Variants in ARHGAP20 observed in about 807,000 individuals in gnomAD.
ARHGAP20 encodes rho GTPase-activating protein 20.
Under a neutral mutation model 73.7 loss-of-function variants are expected in ARHGAP20, and 34 were observed. The ratio of observed to expected loss-of-function variants is 0.46; its 90% confidence interval spans 0.35 to 0.61. ARHGAP20 has a LOEUF of 0.61. ARHGAP20 is among the 20% of genes least tolerant of loss of function. The pLI is 0.00. For synonymous variants in ARHGAP20, 523 were observed against 518.2 expected, an observed-to-expected ratio of 1.01 and a Z score of -0.13; for missense variants, 1,314 against 1,420.9, an observed-to-expected ratio of 0.92 and a Z score of 1.21.
intron 2 of ARHGAP20, among the ~76,000 whole-genome samples, chr11:110,644,510 C>A (rs1161017376): frequency 6.6e-6 from 1 of 152,070 alleles, no homozygotes; most frequent in Admixed American, 6.6e-5. Flanking sequence ...TGCATACCTA[C>A]AACCATCTGA....
intron 2 of ARHGAP20, among the ~76,000 whole-genome samples, chr11:110,657,415 A>G (rs2135030675): frequency 6.6e-6 from 1 of 152,308 alleles, no homozygotes; most frequent in East Asian, 1.9e-4. Context: ...TATAGTTTAC[A>G]TTAAAAAAAA....
intron 3 of ARHGAP20, among the ~76,000 whole-genome samples, chr11:110,628,586 T>G (rs577064937): frequency 6.6e-6 from 1 of 152,166 alleles, no homozygotes; most frequent in Non-Finnish European, 1.5e-5. Flanking sequence ...TGGATTTATG[T>G]CAAAAAATAA....
At chr11:110,693,153 T>A (rs892805700) in intron 1 of ARHGAP20, among the ~76,000 whole-genome samples, 1 of 152,020 alleles carries the variant, frequency 6.6e-6, no homozygotes, top group Non-Finnish European at 1.5e-5. Flanking sequence ...TAGAATGTAT[T>A]TTCTGAGTTT....
chr11:110,577,155 G>T lies in ARHGAP20; in HGVS notation c.*2215C>A. ...ACTTTAAAAGTTAGCAGCAGTTTCT[G>T]CAAGTACAAAAATACACATTTATTA... On this transcript the variant is annotated 3_prime_UTR_variant, in exon 15 of 15. Coordinates refer to ENST00000683387, the MANE Select transcript of ARHGAP20 (RefSeq NM_001384657.1). The T allele has an allele frequency of 6.5e-7, 1 of 1,534,448 alleles. No homozygotes were observed. Among genetic ancestry groups the T allele is most frequent in the Non-Finnish European group, 8.7e-7 (1 of 1,146,194 alleles).
intron 2 of ARHGAP20, among the ~76,000 whole-genome samples, chr11:110,664,073 A>G (rs1181866925): frequency 6.6e-6 from 1 of 152,210 alleles, no homozygotes; most frequent in East Asian, 1.9e-4. Context: ...AAAAGTCAGT[A>G]ATCCAGATAT....
At position 110,615,564 on chromosome 11, in the gene ARHGAP20, A is replaced by G; in HGVS notation, c.534T>C (p.Ser178=). Reference sequence around the variant, plus strand: ...TACTGAAAAAATACCTCTGAAGGAGAGAGAGCCATTTGTCCTTTTGTTCTG... The same window carrying G: ...TACTGAAAAAATACCTCTGAAGGAGGGAGAGCCATTTGTCCTTTTGTTCTG... ...SSPEQKDKWL[S]LLQRYINLEK... The change falls in exon 5 of 15, where the codon TCT becomes TCC. Residue 178 remains serine (S), a synonymous_variant. Coordinates refer to ENST00000683387, the MANE Select transcript of ARHGAP20 (RefSeq NM_001384657.1). The G allele has an allele frequency of 6.2e-7, 1 of 1,612,212 alleles. No homozygotes were observed.
At chr11:110,644,576 G>C (rs1447037346) in intron 2 of ARHGAP20, among the ~76,000 whole-genome samples, 1 of 152,064 alleles carries the variant, frequency 6.6e-6, no homozygotes, top group African/African-American at 2.4e-5. Context: ...AATAAATGGT[G>C]CTGGGACAGC....
At position 110,581,055 on chromosome 11, in the gene ARHGAP20, C is replaced by T; in HGVS notation, c.1891G>A (p.Glu631Lys). 6.2e-7 allele frequency: 1 copy of T among 1,614,162 alleles called. No homozygotes were observed. Among genetic ancestry groups the T allele is most frequent in the Non-Finnish European group, 8.5e-7 (1 of 1,180,030 alleles). The change falls in exon 15 of 15, where the codon GAA (glutamate) becomes AAA (lysine). Residue 631 changes from glutamate to lysine, a missense_variant. Around this residue, in one of 3 missense-constraint regions of ARHGAP20, gnomAD observed 230 missense variants for 317.6 expected, o/e 0.72. Transcript: ENST00000683387. ...AAGTCGCTTAGGGTTAAAAGGCCTT[C>T]CACCTCGGGCTGGTCAAGATCATAG... ...SDYDLDQPEV[E>K]GLLTLSDFDL... is the part of the protein sequence containing the mutation.
chr11:110,710,535 A>T (rs185928659), intron 1 of ARHGAP20, among the ~76,000 whole-genome samples: 2 of 152,234 alleles, frequency 1.3e-5, no homozygotes, highest in Non-Finnish European at 2.9e-5. Flanking sequence ...TAAGTTTTAA[A>T]ATTTATGTCA....
At chr11:110,627,249 C>T (rs12222627) in intron 3 of ARHGAP20, among the ~76,000 whole-genome samples, 24,128 of 151,872 alleles carry the variant, frequency 0.16, 2,346 homozygotes, top group East Asian at 0.31. Context: ...CCACTACGCC[C>T]GGCTAATTTT....
chr11:110,699,221 T>C (rs902941278), intron 1 of ARHGAP20, among the ~76,000 whole-genome samples: 1 of 151,896 alleles, frequency 6.6e-6, no homozygotes, highest in Non-Finnish European at 1.5e-5. Context: ...TTTATGAGAG[T>C]TCCTCTTGGT....
intron 1 of ARHGAP20, among the ~76,000 whole-genome samples, chr11:110,711,061 G>C (rs868797044): frequency 1.2e-4 from 18 of 151,610 alleles, no homozygotes; most frequent in African/African-American, 4.4e-4. Flanking sequence ...GCGGGGGTGG[G>C]GAGGCGGGGG....
chr11:110,623,896 G>A (rs147734827), intron 4 of ARHGAP20, among the ~76,000 whole-genome samples: 1 of 152,132 alleles, frequency 6.6e-6, no homozygotes, highest in Non-Finnish European at 1.5e-5. Flanking sequence ...TCAAACCAAG[G>A]TACATAATCC....
chr11:110,639,545 G>T (rs192928377), intron 2 of ARHGAP20, among the ~76,000 whole-genome samples: 3 of 151,884 alleles, frequency 2.0e-5, no homozygotes, highest in African/African-American at 7.2e-5. Context: ...TACCCCTAAA[G>T]AAAAACCATA....
intron 9 of ARHGAP20, among the ~76,000 whole-genome samples, chr11:110,604,988 T>C (rs1358414642): frequency 6.6e-6 from 1 of 152,190 alleles, no homozygotes; most frequent in Non-Finnish European, 1.5e-5. Context: ...CCATTAAGGT[T>C]GGTCATTAAT....
chr11:110,636,155 T>C (rs1460187389), intron 2 of ARHGAP20, among the ~76,000 whole-genome samples: 2 of 152,082 alleles, frequency 1.3e-5, no homozygotes, highest in Non-Finnish European at 2.9e-5. Flanking sequence ...TGATGATAGT[T>C]TAAGTTTTGT....
intron 1 of ARHGAP20, 66 bp from the exon 2 acceptor site, chr11:110,690,695 T>C: frequency 6.7e-7 from 1 of 1,499,570 alleles, no homozygotes; most frequent in Non-Finnish European, 9.3e-7. Flanking sequence ...TTGATTTTTT[T>C]TTAAATCCAA....
At chr11:110,645,723 T>G (rs1949176808) in intron 2 of ARHGAP20, among the ~76,000 whole-genome samples, 1 of 152,160 alleles carries the variant, frequency 6.6e-6, no homozygotes, top group Non-Finnish European at 1.5e-5. Context: ...TCAGCCCAGG[T>G]GCTCATCAAT....
intron 9 of ARHGAP20, among the ~76,000 whole-genome samples, chr11:110,602,706 G>C (rs1948138898): frequency 6.6e-6 from 1 of 152,102 alleles, no homozygotes; most frequent in South Asian, 2.1e-4. Flanking sequence ...GAATAGTTGA[G>C]GGCATTAGGA....
Sources: gnomAD v4.1 joint callset for allele counts (sites outside exome capture counted in the v4.1 genomes callset) on GRCh38, gnomAD v4.1.1 for gene constraint, gnomAD v4.1.1 regional missense constraint, MANE v1.5 for transcripts, NCBI Gene and HGNC (gene_info 2026-07-23, HGNC 2026-07-21) for gene names.